Variants in COL26A1 observed in about 807,000 individuals in gnomAD.
The protein encoded by COL26A1 is collagen type XXVI alpha 1 chain.
In COL26A1, 41 loss-of-function variants were observed where a neutral mutation model predicts 59.3. The ratio of observed to expected loss-of-function variants is 0.69; its 90% CI spans 0.54 to 0.90. The LOEUF (loss-of-function observed/expected upper bound fraction) is 0.90, where lower values mean the gene tolerates loss of function less well. COL26A1 is among the 40% of genes least tolerant of loss of function. The pLI is 0.00. For synonymous variants in COL26A1, 266 were observed against 256.0 expected (o/e 1.04, Z -0.37); for missense variants, 612 against 602.3 (o/e 1.02, Z -0.17).
At chr7:101,368,467 C>T (rs1335421421) in intron 1 of COL26A1, among the ~76,000 whole-genome samples, 2 of 152,194 alleles carry the variant, frequency 1.3e-5, no homozygotes, top group Non-Finnish European at 2.9e-5. Flanking sequence ...AGGTCCTGCT[C>T]CTTGCAGAGC....
chr7:101,554,037 G>A (rs1417068153), intron 11 of COL26A1, among the ~76,000 whole-genome samples: 6 of 151,608 alleles, frequency 4.0e-5, no homozygotes, highest in African/African-American at 1.5e-4. Context: ...CCCCTCAGCT[G>A]GCCCTGAGCT....
intron 1 of COL26A1, among the ~76,000 whole-genome samples, chr7:101,409,974 A>G (rs1175680938): frequency 2.0e-5 from 3 of 152,036 alleles, no homozygotes; most frequent in African/African-American, 7.2e-5. Flanking sequence ...GTTAGCCAGG[A>G]TGGTCTTGAT....
intron 1 of COL26A1, among the ~76,000 whole-genome samples, chr7:101,405,339 AT>A (rs536145936): frequency 2.6e-3 from 372 of 145,238 alleles, no homozygotes; most frequent in African/African-American, 3.7e-3. Context: ...TGGTATCTAC[AT>A]TTTTTTTTTT....
Position 101,420,075 on chromosome 7 carries a change from C to T in COL26A1, c.257C>T (p.Pro86Leu), listed in dbSNP as rs79106047. 3,705 of 1,613,316 alleles carry T rather than the reference C, an allele frequency of 2.3e-3. 19 individuals carry two copies. The highest frequency in any genetic ancestry group is 7.1e-3 in the South Asian group (643 of 91,076). Residue 86 changes from proline to leucine, a missense_variant, in exon 2 of 13, where the codon CCG (proline) becomes CTG (leucine). Physicochemically the swap from Pro to Leu is moderately conservative, Grantham distance 98 (BLOSUM62 -3). Transcript: ENST00000313669. ...CGCGTGTACCAGAGCTGCCGGTGGC[C>T]GGGGCCCTGCGCCAACCTCGTAAGG... Reference protein sequence around the residue: ...VQRVYQSCRWPGPCANLVSYR... With the variant: ...VQRVYQSCRWLGPCANLVSYR...
At chr7:101,537,960 C>A (rs371370754) in intron 4 of COL26A1, among the ~76,000 whole-genome samples, 4 of 152,160 alleles carry the variant, frequency 2.6e-5, no homozygotes, top group Admixed American at 1.3e-4. Context: ...CACTCCCAAG[C>A]CTGCCCCTCT....
chr7:101,557,357 G>A lies in COL26A1; in HGVS notation c.1166-13G>A, dbSNP rs1796003327. The A allele has an allele frequency of 1.9e-6, 3 of 1,609,114 alleles. No homozygotes were observed. Among genetic ancestry groups the A allele is most frequent in the Non-Finnish European group, 2.5e-6 (3 of 1,176,532 alleles). ...GGCTCTACCTCGAGTCCACCCTCCTGCTCTCCTTCCAGATCCCCTGGCCTC... is the reference window on the plus strand; with the variant it reads ...GGCTCTACCTCGAGTCCACCCTCCTACTCTCCTTCCAGATCCCCTGGCCTC... On this transcript the variant is annotated splice_polypyrimidine_tract_variant and intron_variant, in intron 12 of 12. Coordinates refer to ENST00000313669, the MANE Select transcript of COL26A1 (RefSeq NM_001278563.3).
At chr7:101,530,716 C>G (rs1795347992) in intron 3 of COL26A1, among the ~76,000 whole-genome samples, 1 of 151,980 alleles carries the variant, frequency 6.6e-6, no homozygotes, top group East Asian at 1.9e-4. Context: ...GTGGGTCTTT[C>G]CTCTTTGGCA....
intron 3 of COL26A1, among the ~76,000 whole-genome samples, chr7:101,506,527 G>T (rs1382720050): frequency 6.6e-6 from 1 of 152,218 alleles, no homozygotes; most frequent in African/African-American, 2.4e-5. Context: ...GCTGAGAGGG[G>T]CCCCGAGACC....
chr7:101,421,349 G>C (rs1792514254), intron 2 of COL26A1, among the ~76,000 whole-genome samples: 1 of 152,126 alleles, frequency 6.6e-6, no homozygotes, highest in South Asian at 2.1e-4. Context: ...ACATTATAGA[G>C]GGCAACCTGC....
Position 101,476,142 on chromosome 7 carries a change from T to TTGTGTGTGTG in COL26A1, c.385+28382_385+28391dup, listed in dbSNP as rs56666965. Among the ~76,000 whole-genome samples the TTGTGTGTGTG allele has an allele frequency of 1.4e-3, 212 of 146,336 alleles. 1 individual carries two copies. The highest frequency in any genetic ancestry group is 5.8e-3 in the South Asian group (26 of 4,478). On this transcript the variant is annotated intron_variant, in intron 3 of 12. Transcript: ENST00000313669. ...GGTGCATGCCACCACTCCCAGCTAA[T>TTGTGTGTGTG]TGTGTGTGTGTGTGTGTGTGTGTGT...
chr7:101,553,396 A>G lies in COL26A1; in HGVS notation c.1080+20A>G, dbSNP rs752971897. ...GCAGAGGTAACCATGGCTGCCCTTC[A>G]CGTTCCCTCCCGCCTCCTTGGCTGT... On this transcript the variant is annotated intron_variant, in intron 11 of 12. Coordinates refer to ENST00000313669, the MANE Select transcript of COL26A1 (RefSeq NM_001278563.3). The G allele has an allele frequency of 6.2e-7, 1 of 1,612,452 alleles. No individual in the cohort carries two copies. Among genetic ancestry groups the G allele is most frequent in the South Asian group, 1.1e-5 (1 of 91,008 alleles).
At chr7:101,495,523 C>A (rs1207078859) in intron 3 of COL26A1, among the ~76,000 whole-genome samples, 2 of 151,966 alleles carry the variant, frequency 1.3e-5, no homozygotes, top group Non-Finnish European at 2.9e-5. Context: ...ATTCTCCTGC[C>A]TCGGCCTCCC....
At chr7:101,445,956 G>A (rs1201558278) in intron 2 of COL26A1, among the ~76,000 whole-genome samples, 3 of 149,132 alleles carry the variant, frequency 2.0e-5, no homozygotes, top group Admixed American at 6.8e-5. Context: ...GCTGAGGCAG[G>A]AGAATCGCTT....
intron 1 of COL26A1, among the ~76,000 whole-genome samples, chr7:101,391,343 C>T (rs748386915): frequency 6.6e-6 from 1 of 151,950 alleles, no homozygotes; most frequent in Non-Finnish European, 1.5e-5. Context: ...GTTCCTGGGG[C>T]CTGATTGTAT....
intron 3 of COL26A1, among the ~76,000 whole-genome samples, chr7:101,495,173 A>G (rs1794554683): frequency 6.6e-6 from 1 of 152,220 alleles, no homozygotes; most frequent in Non-Finnish European, 1.5e-5. Context: ...TAGAGGAGCC[A>G]TCAGTCCCAG....
chr7:101,505,860 C>T (rs1794803026), intron 3 of COL26A1, among the ~76,000 whole-genome samples: 1 of 152,220 alleles, frequency 6.6e-6, no homozygotes, highest in Non-Finnish European at 1.5e-5. Flanking sequence ...TTAACCATCA[C>T]AGCTGCCTTC....
intron 3 of COL26A1, among the ~76,000 whole-genome samples, chr7:101,529,981 C>T (rs1334142829): frequency 6.6e-6 from 1 of 152,094 alleles, no homozygotes; most frequent in African/African-American, 2.4e-5. Flanking sequence ...CTCTCCCCAC[C>T]AGTATTAGAG....
chr7:101,435,051 G>A (rs1441123972), intron 2 of COL26A1, among the ~76,000 whole-genome samples: 3 of 152,134 alleles, frequency 2.0e-5, no homozygotes, highest in East Asian at 1.9e-4. Flanking sequence ...AGGGTTGGGC[G>A]TGGTGGCTCA....
rs570655283 is a variant in COL26A1 at position 101,370,440 on chromosome 7, A to C, written c.158+7250A>C. On this transcript the variant is annotated intron_variant, in intron 1 of 12. Coordinates refer to ENST00000313669, the MANE Select transcript of COL26A1 (RefSeq NM_001278563.3). ...GGCTGGAGTGCAGTGGCACGATCTT[A>C]GCTCACTGCAACCTCCGCTTCCCAG... Among the ~76,000 whole-genome samples, 9 of 151,758 alleles carry C rather than the reference A, an allele frequency of 5.9e-5. No individual in the cohort carries two copies. In the East Asian group the frequency reaches 1.8e-3, roughly 30 times the overall value.
Sources: gnomAD v4.1 joint callset for allele counts (sites outside exome capture counted in the v4.1 genomes callset) on GRCh38, gnomAD v4.1.1 for gene constraint, MANE v1.5 for transcripts, NCBI Gene and HGNC (gene_info 2026-07-23, HGNC 2026-07-21) for gene names.